TRPM3: variants seen among roughly 807,000 people sequenced by gnomAD.
TRPM3 encodes long transient receptor potential channel 3.
A neutral mutation model predicts 181.2 loss-of-function variants in TRPM3; 77 were observed. The observed-to-expected ratio is 0.42, with a 90% confidence interval of 0.35 to 0.51. TRPM3 has a LOEUF of 0.51. TRPM3 is among the 20% of genes least tolerant of loss of function. The probability of loss-of-function intolerance (pLI) is 0.01; values close to 1 mark genes in which losing one functional copy is unlikely to be tolerated. For synonymous variants in TRPM3, 745 were observed against 796.4 expected (o/e 0.94, Z 1.09); for missense variants, 1,759 against 2,196.7 (o/e 0.80, Z 3.98).
intron 1 of TRPM3, among the ~76,000 whole-genome samples, chr9:71,196,211 C>T (rs899426540): frequency 6.6e-6 from 1 of 151,142 alleles, no homozygotes; most frequent in Non-Finnish European, 1.5e-5. Flanking sequence ...CTTATTTGCT[C>T]TACCTGTGGT....
chr9:70,607,764 C>CTAT (rs1180830391), intron 19 of TRPM3, among the ~76,000 whole-genome samples: 2 of 152,084 alleles, frequency 1.3e-5, no homozygotes, highest in African/African-American at 2.4e-5. Context: ...GATATTGATA[C>CTAT]TATTATTTCT....
intron 6 of TRPM3, among the ~76,000 whole-genome samples, chr9:70,821,077 T>C (rs1588835940): frequency 2.0e-5 from 3 of 152,328 alleles, no homozygotes; most frequent in African/African-American, 7.2e-5. Context: ...ATCTTTAAGA[T>C]AAATTTCAGC....
intron 1 of TRPM3, among the ~76,000 whole-genome samples, chr9:70,969,332 G>A (rs2097215552): frequency 6.6e-6 from 1 of 151,944 alleles, no homozygotes; most frequent in Admixed American, 6.6e-5. Flanking sequence ...CAGGTGACAG[G>A]TTGATGGGTA....
At chr9:70,845,108 C>A (rs752200711) in intron 4 of TRPM3, among the ~76,000 whole-genome samples, 5 of 151,974 alleles carry the variant, frequency 3.3e-5, no homozygotes, top group Non-Finnish European at 7.4e-5. Context: ...CAGACTTCAT[C>A]GCTGAAATAT....
intron 1 of TRPM3, among the ~76,000 whole-genome samples, chr9:71,119,033 A>G (rs1205270244): frequency 6.6e-6 from 1 of 152,208 alleles, no homozygotes; most frequent in Non-Finnish European, 1.5e-5. Context: ...TCCATAGGAA[A>G]AAAATACATA....
In TRPM3 at chr9:70,534,503, A is replaced by G. The variant is rs1055883368; in HGVS notation, c.*1450T>C. 2 of 152,238 alleles carry G rather than the reference A, an allele frequency of 1.3e-5. No individual in the cohort carries two copies. Among genetic ancestry groups the G allele is most frequent in the Admixed American group, 1.3e-4 (2 of 15,278 alleles). 9.4% of individuals were successfully genotyped at this position (152,238 alleles called of 1,614,324 possible). Reference sequence around the variant, plus strand: ...CTCTTTATGTCCATTTATTTTATATATAAATATGTGTCTCTGCATAAATGC... The same window carrying G: ...CTCTTTATGTCCATTTATTTTATATGTAAATATGTGTCTCTGCATAAATGC... On this transcript the variant is annotated 3_prime_UTR_variant, in exon 26 of 26. Coordinates refer to ENST00000677713, the MANE Select transcript of TRPM3 (RefSeq NM_001366145.2).
At chr9:70,775,658 A>T (rs1042177558) in intron 7 of TRPM3, 2 of 152,288 alleles carry the variant, frequency 1.3e-5, no homozygotes, top group African/African-American at 4.8e-5. Flanking sequence ...CTAGGAAAAT[A>T]GTTCTGAAAG....
intron 1 of TRPM3, among the ~76,000 whole-genome samples, chr9:71,133,989 G>A (rs909919059): frequency 2.8e-5 from 4 of 140,696 alleles, no homozygotes; most frequent in Non-Finnish European, 1.5e-5. Context: ...GTGTGTGTGT[G>A]TGTGTGTGTG....
intron 1 of TRPM3, among the ~76,000 whole-genome samples, chr9:71,186,698 T>C (rs1421574493): frequency 3.3e-5 from 5 of 152,094 alleles, no homozygotes; most frequent in African/African-American, 1.2e-4. Flanking sequence ...AGAAACAATG[T>C]ATAGAAAGTA....
intron 1 of TRPM3, among the ~76,000 whole-genome samples, chr9:71,247,820 C>T (rs916170386): frequency 6.6e-6 from 1 of 152,028 alleles, no homozygotes; most frequent in African/African-American, 2.4e-5. Flanking sequence ...AATATGAGAT[C>T]CAACAATCAT....
chr9:70,659,694 A>C (rs549285076), intron 9 of TRPM3, among the ~76,000 whole-genome samples: 1 of 152,282 alleles, frequency 6.6e-6, no homozygotes, highest in African/African-American at 2.4e-5. Context: ...TATTTTCTAC[A>C]ATTTGGACTG....
chr9:70,635,221 T>A lies in TRPM3; in HGVS notation c.1622A>T (p.Asp541Val). The change falls in exon 12 of 26, where the codon GAT (aspartate) becomes GTT (valine). Residue 541 changes from aspartate (D) to valine (V), a missense_variant. Physicochemically the swap from Asp to Val is radical, Grantham distance 152. This residue lies in a region of TRPM3 where 737 missense variants were observed against 957.4 expected (regional missense o/e 0.77). Transcript: ENST00000677713. The stretch of plus-strand genomic sequence containing the variant: ...CGAGAGGGTTCTTACCTTTTTGACA[T>A]CCCTGACCAAGTGGTACAATGTATT... ...PSNTLYHLVR[D>V]VKKREYPGFG... 1 of 1,613,960 alleles carries A rather than the reference T, an allele frequency of 6.2e-7. No individual in the cohort carries two copies. Among genetic ancestry groups the A allele is most frequent in the Non-Finnish European group, 8.5e-7 (1 of 1,179,896 alleles).
chr9:70,620,595 TA>T (rs1022364186), intron 15 of TRPM3, among the ~76,000 whole-genome samples: 7 of 152,162 alleles, frequency 4.6e-5, no homozygotes, highest in South Asian at 2.1e-4. Flanking sequence ...ACACTCTGAT[TA>T]AAAAAATTAT....
At chr9:71,018,936 C>T (rs182504020) in intron 1 of TRPM3, among the ~76,000 whole-genome samples, 1 of 151,870 alleles carries the variant, frequency 6.6e-6, no homozygotes, top group Admixed American at 6.6e-5. Flanking sequence ...AAGAACAGTA[C>T]ATTATAACCA....
intron 7 of TRPM3, among the ~76,000 whole-genome samples, chr9:70,781,707 C>T (rs191424764): frequency 7.2e-5 from 11 of 151,980 alleles, no homozygotes; most frequent in South Asian, 2.1e-4. Context: ...TTGGACAAAG[C>T]GCTTAATTTA....
chr9:70,768,710 C>A (rs1315690833), intron 7 of TRPM3, among the ~76,000 whole-genome samples: 1 of 151,918 alleles, frequency 6.6e-6, no homozygotes, highest in African/African-American at 2.4e-5. Flanking sequence ...TGCTTGAGGC[C>A]AGGAGCAAGA....
chr9:70,689,538 G>T (rs2067913258), intron 8 of TRPM3, among the ~76,000 whole-genome samples: 1 of 150,044 alleles, frequency 6.7e-6, no homozygotes, highest in Admixed American at 6.6e-5. Flanking sequence ...AAAACAACAA[G>T]AGAGATGAAG....
intron 1 of TRPM3, among the ~76,000 whole-genome samples, chr9:71,231,750 A>C (rs997315610): frequency 6.6e-6 from 1 of 152,222 alleles, no homozygotes; most frequent in African/African-American, 2.4e-5. Flanking sequence ...GGACATTAAC[A>C]TGGCAACAAT....
intron 10 of TRPM3, among the ~76,000 whole-genome samples, chr9:70,640,319 T>G (rs1426999510): frequency 6.6e-6 from 1 of 152,242 alleles, no homozygotes; most frequent in African/African-American, 2.4e-5. Flanking sequence ...TGAAAATTGC[T>G]ATTAAAGACA....
Sources: gnomAD v4.1 joint callset for allele counts (sites outside exome capture counted in the v4.1 genomes callset) on GRCh38, gnomAD v4.1.1 for gene constraint, gnomAD v4.1.1 regional missense constraint, MANE v1.5 for transcripts, NCBI Gene and HGNC (gene_info 2026-07-23, HGNC 2026-07-21) for gene names.